Variants in NR4A1 observed in about 807,000 individuals in gnomAD.
NR4A1 encodes nuclear receptor subfamily 4 group A member 1, also known as nuclear receptor subfamily 4immunitygroup A member 1.
Under a neutral mutation model 47.5 loss-of-function variants are expected in NR4A1, and 24 were observed. The observed-to-expected ratio is 0.50, with a 90% CI of 0.37 to 0.71. The LOEUF is 0.71. Ranked by LOEUF, NR4A1 falls within the 30% of genes least tolerant of loss-of-function variation. NR4A1 has a pLI of 0.00. For missense variants in NR4A1, 669 were observed against 788.6 expected, an observed-to-expected ratio of 0.85 and a Z score of 1.82; for synonymous variants, 353 against 345.7, an observed-to-expected ratio of 1.02 and a Z score of -0.24.
chr12:52,028,451 G>A (rs1938047651), intron 1 of NR4A1, among the ~76,000 whole-genome samples: 1 of 151,974 alleles, frequency 6.6e-6, no homozygotes. Flanking sequence ...GCTCATGCCT[G>A]TAGTCCCAGC....
In NR4A1 at chr12:52,054,400, C is replaced by A. The variant is rs61734311; in HGVS notation, c.72C>A (p.Asp24Glu). ...SPGPRDHLAS[D>E]PLTPEFIKPT... ...GACCCCGTGACCACCTGGCAAGCGA[C>A]CCCCTGACCCCTGAGTTCATCAAGC... is the stretch of plus-strand genomic sequence containing the variant. The change falls in exon 2 of 7, where the codon GAC becomes GAA. Residue 24 changes from aspartate to glutamate, a missense_variant. Coordinates refer to ENST00000394825, the MANE Select transcript of NR4A1 (RefSeq NM_173157.3). 5 of 1,613,588 alleles carry A rather than the reference C, an allele frequency of 3.1e-6. No homozygotes were observed. Among genetic ancestry groups the A allele is most frequent in the Non-Finnish European group, 4.2e-6 (5 of 1,179,806 alleles).
At chr12:52,056,689 C>T (rs1468700419) in intron 4 of NR4A1, 44 bp downstream of exon 4, 1 of 1,516,894 alleles carries the variant, frequency 6.6e-7, no homozygotes, top group Non-Finnish European at 8.8e-7. Context: ...TCTATGAGCA[C>T]ATGCAGTGCC....
At chr12:52,050,116 T>C (rs543305883), upstream of NR4A1, among the ~76,000 whole-genome samples, 1 of 152,324 alleles carries the variant, frequency 6.6e-6, no homozygotes, top group East Asian at 1.9e-4. Context: ...CCCTTCCCTC[T>C]TCTCTTACTT....
At chr12:52,043,769 TAG>T in intron 2 of NR4A1, 1 of 1,287,230 alleles carries the variant, frequency 7.8e-7, no homozygotes, top group Non-Finnish European at 1.0e-6. Flanking sequence ...GCTGTGAGGA[TAG>T]GCTGGCTGGG....
rs1451737931 is a variant in NR4A1 at position 52,054,533 on chromosome 12, T to C, written c.205T>C (p.Tyr69His). ...GYTGEFDTFL[Y>H]QLPGTVQPCS... The stretch of plus-strand genomic sequence containing the variant: ...CACAGGAGAGTTTGACACCTTCCTC[T>C]ACCAGCTGCCAGGAACAGTCCAGCC... The change falls in exon 2 of 7, where the codon TAC becomes CAC. Residue 69 changes from tyrosine (Y) to histidine (H), a missense_variant. Coordinates refer to ENST00000394825, the MANE Select transcript of NR4A1 (RefSeq NM_173157.3). The C allele has an allele frequency of 4.3e-6, 7 of 1,613,888 alleles. No individual in the cohort carries two copies. The Admixed American group carries it at 1.0e-4, about 23-fold the overall frequency.
chr12:52,054,886 T>A lies in NR4A1; in HGVS notation c.558T>A (p.Pro186=). ...CCAAAGCCTCTGGGCCCCCACAGCC[T>A]CCAGCCTTCTTTTCCTTCAGTCCTC... ...QLPKASGPPQ[P]PAFFSFSPPT... Residue 186 remains proline, a synonymous_variant, in exon 2 of 7, where the codon CCT becomes CCA. Transcript: ENST00000394825. The A allele has an allele frequency of 6.2e-7, 1 of 1,614,110 alleles. No individual in the cohort carries two copies. The highest frequency in any genetic ancestry group is 8.5e-7 in the Non-Finnish European group (1 of 1,180,028).
At chr12:52,041,186 AC>A (rs1192833988) in intron 1 of NR4A1, among the ~76,000 whole-genome samples, 1 of 152,108 alleles carries the variant, frequency 6.6e-6, no homozygotes, top group African/African-American at 2.4e-5. Flanking sequence ...TTACACATTA[AC>A]TTTTTTTTAA....
Position 52,041,886 on chromosome 12 carries a change from C to T in NR4A1, c.-7C>T, listed in dbSNP as rs368923455. On this transcript the variant is annotated 5_prime_UTR_variant, in exon 2 of 8. Transcript: ENST00000360284. ...CCTTCTGCTGGGCCCTGAAGGCAGACGGGATAATGTGGTTGGCCAAGGCCT... is the reference window on the plus strand; with the variant it reads ...CCTTCTGCTGGGCCCTGAAGGCAGATGGGATAATGTGGTTGGCCAAGGCCT... The T allele has an allele frequency of 8.3e-5, 127 of 1,530,046 alleles. 1 individual carries two copies. The highest frequency in any genetic ancestry group is 4.8e-4 in the South Asian group (38 of 78,430). 94.8% of individuals were successfully genotyped at this position (1,530,046 alleles called of 1,614,324 possible).
At chr12:52,056,460 C>T (rs1380278756) in intron 3 of NR4A1, 34 bp from the exon 4 acceptor site, 4 of 1,603,902 alleles carry the variant, frequency 2.5e-6, no homozygotes, top group East Asian at 2.3e-5. Flanking sequence ...TCCTCAGATC[C>T]CTTCCTTCCT....
chr12:52,037,759 C>T (rs1354952483), intron 1 of NR4A1: 2 of 985,346 alleles, frequency 2.0e-6, no homozygotes, highest in African/African-American at 1.7e-5. Flanking sequence ...CGCGGGAGCT[C>T]GTCTGCCAGG....
chr12:52,058,817 G>A lies in NR4A1; in HGVS notation c.1670G>A (p.Gly557Asp). 6.2e-7 allele frequency: 1 copy of A among 1,613,720 alleles called. No individual in the cohort carries two copies. Among genetic ancestry groups the A allele is most frequent in the Non-Finnish European group, 8.5e-7 (1 of 1,179,950 alleles). The change falls in exon 7 of 7, where the codon GGC becomes GAC. Residue 557 changes from glycine (G) to aspartate (D), a missense_variant. Physicochemically the swap from Gly to Asp is moderately conservative, Grantham distance 94 (BLOSUM62 -1). Transcript: ENST00000394825. ...QPASCLSRLL[G>D]KLPELRTLCT... Reference sequence around the variant, plus strand: ...GCCAGCTGCCTGTCACGTCTGTTGGGCAAACTGCCCGAGCTGCGGACCCTG... The same window carrying A: ...GCCAGCTGCCTGTCACGTCTGTTGGACAAACTGCCCGAGCTGCGGACCCTG...
At chr12:52,054,140 C>G in intron 1 of NR4A1, 187 bp from the exon 2 acceptor site, 1 of 591,542 alleles carries the variant, frequency 1.7e-6, no homozygotes, top group Non-Finnish European at 3.0e-6. Flanking sequence ...TTTGTGGCAC[C>G]TAGGTCGAGA....
Position 52,052,489 on chromosome 12 carries a change from C to A in NR4A1, c.-3+921C>A. The A allele has an allele frequency of 1.0e-6, 1 of 985,512 alleles. No individual in the cohort carries two copies. Among genetic ancestry groups the A allele is most frequent in the African/African-American group, 1.7e-5 (1 of 57,296 alleles). 61.0% of individuals were successfully genotyped at this position (985,512 alleles called of 1,614,324 possible). On this transcript the variant is annotated intron_variant, in intron 1 of 6. Transcript: ENST00000394825. ...CCTCCCCCAGTAGTCTCTGTTGGAT[C>A]TTACAGGTAGGGTGCAGCCTGAGGC...
At position 52,051,468 on chromosome 12, in the gene NR4A1, T is replaced by A. The variant is rs1227000351; in HGVS notation, c.-103T>A. The A allele has an allele frequency of 9.1e-6, 9 of 985,240 alleles. No individual in the cohort carries two copies. The African/African-American group carries it at 1.4e-4, about 15-fold the overall frequency. The allele number at this position is 985,240 out of a possible 1,614,324, so 61.0% of individuals were successfully genotyped here. On this transcript the variant is annotated 5_prime_UTR_variant, in exon 1 of 7. It adds an upstream start codon to the 5' untranslated region. Transcript: ENST00000394825. ...GTCCCAGTGGCGGAGGCTACGAAAC[T>A]TGGGGGAGTGCACAGAAGAACTTCG...
intron 1 of NR4A1, among the ~76,000 whole-genome samples, chr12:52,030,237 A>C (rs1938091838): frequency 6.6e-6 from 1 of 152,050 alleles, no homozygotes; most frequent in South Asian, 2.1e-4. Flanking sequence ...CGGGGGTCCC[A>C]GCTCTGCAGC....
rs1396322665 is a variant in NR4A1, at chr12:52,057,266, G to T, written c.1361+7G>T. ...TCCTCCGCCTGGCGTACAGGTGAGA[G>T]CCACTGACTGTCTGCCCAGCCCCTT... On this transcript the variant is annotated splice_region_variant and intron_variant, in intron 5 of 6. Transcript: ENST00000394825. The T allele has an allele frequency of 6.2e-7, 1 of 1,613,410 alleles. No homozygotes were observed. Among genetic ancestry groups the T allele is most frequent in the Admixed American group, 1.7e-5 (1 of 59,938 alleles).
At chr12:52,050,960 C>G (rs1315843168), upstream of NR4A1, among the ~76,000 whole-genome samples, 1 of 152,116 alleles carries the variant, frequency 6.6e-6, no homozygotes, top group African/African-American at 2.4e-5. Flanking sequence ...GCCGGAGGGA[C>G]CGGGCGCGGT....
chr12:52,056,325 G>C (rs1939270190), intron 3 of NR4A1, 166 bp downstream of exon 3: 2 of 1,357,624 alleles, frequency 1.5e-6, no homozygotes, highest in Admixed American at 4.9e-5. Flanking sequence ...CACCTGCCTG[G>C]ATTGTGAGGG....
At chr12:52,031,005 C>T (rs1203773926) in intron 1 of NR4A1, among the ~76,000 whole-genome samples, 4 of 151,936 alleles carry the variant, frequency 2.6e-5, no homozygotes, top group Non-Finnish European at 4.4e-5. Context: ...AACTCTCCAC[C>T]GACAAACTCC....
Sources: gnomAD v4.1 joint callset for allele counts (sites outside exome capture counted in the v4.1 genomes callset) on GRCh38, gnomAD v4.1.1 for gene constraint, MANE v1.5 for transcripts, NCBI Gene and HGNC (gene_info 2026-07-23, HGNC 2026-07-21) for gene names.